The following GSAP variants were observed in gnomAD, a reference collection of about 807,000 sequenced individuals.
GSAP encodes gamma-secretase activating protein.
Under a neutral mutation model 131.7 loss-of-function variants are expected in GSAP, and 118 were observed. The ratio of observed to expected loss-of-function variants is 0.90; its 90% CI spans 0.77 to 1.04. GSAP has a LOEUF of 1.04. Ranked by LOEUF, GSAP falls within the 50% of genes least tolerant of loss-of-function variation. The pLI is 0.00. For missense variants in GSAP, 1,019 were observed against 1,013.2 expected (o/e 1.01, Z -0.08); for synonymous variants, 381 against 363.4 (o/e 1.05, Z -0.55).
chr7:77,400,194 G>A (rs1037473623), intron 3 of GSAP, among the ~76,000 whole-genome samples: 1 of 152,048 alleles, frequency 6.6e-6, no homozygotes, highest in African/African-American at 2.4e-5. Context: ...TATCAAAGAA[G>A]ACCAAGTAGG....
At chr7:77,372,156 T>C (rs957868351) in intron 12 of GSAP, among the ~76,000 whole-genome samples, 3 of 152,222 alleles carry the variant, frequency 2.0e-5, no homozygotes, top group African/African-American at 7.2e-5. Flanking sequence ...AAGGAAAAAG[T>C]TAAATGCCTA....
chr7:77,351,843 T>G (rs1792908134), intron 18 of GSAP, among the ~76,000 whole-genome samples: 1 of 151,388 alleles, frequency 6.6e-6, no homozygotes, highest in East Asian at 1.9e-4. Flanking sequence ...CAGCAGGGGG[T>G]TGGTAAGGGA....
chr7:77,356,174 A>G (rs145161615), intron 14 of GSAP, among the ~76,000 whole-genome samples: 1,748 of 152,200 alleles, frequency 0.011, 33 homozygotes, highest in African/African-American at 0.04. Context: ...ACCCAGCCAC[A>G]TTTCTCTTAC....
chr7:77,400,287 TCCCAC>T (rs1801107919), intron 3 of GSAP, among the ~76,000 whole-genome samples: 1 of 151,904 alleles, frequency 6.6e-6, no homozygotes, highest in Non-Finnish European at 1.5e-5. Flanking sequence ...GATCCTGGAC[TCCCAC>T]CCAGACCCAG....
intron 3 of GSAP, among the ~76,000 whole-genome samples, chr7:77,402,119 G>T (rs1392382715): frequency 2.6e-5 from 4 of 152,002 alleles, no homozygotes; most frequent in Non-Finnish European, 4.4e-5. Context: ...TTTTAGAGAA[G>T]GATGGGTAAG....
intron 5 of GSAP, among the ~76,000 whole-genome samples, chr7:77,390,985 T>C (rs1187113330): frequency 1.5e-5 from 1 of 68,658 alleles, no homozygotes; most frequent in Non-Finnish European, 3.2e-5. Context: ...AAAAAAAAAT[T>C]AGCCGGGTGT....
intron 16 of GSAP, among the ~76,000 whole-genome samples, 183 bp downstream of exon 16, chr7:77,355,030 G>A (rs1433293673): frequency 6.6e-6 from 1 of 152,188 alleles, no homozygotes; most frequent in Non-Finnish European, 1.5e-5. Context: ...GAAACACCCT[G>A]AGTGTGAGAC....
At chr7:77,350,110 C>T (rs1792570358) in intron 18 of GSAP, among the ~76,000 whole-genome samples, 1 of 151,828 alleles carries the variant, frequency 6.6e-6, no homozygotes, top group Admixed American at 6.6e-5. Flanking sequence ...ATGATGAGTT[C>T]ATGTCCTTTG....
At chr7:77,358,234 C>T (rs1794045452) in intron 14 of GSAP, among the ~76,000 whole-genome samples, 1 of 152,118 alleles carries the variant, frequency 6.6e-6, no homozygotes, top group Admixed American at 6.5e-5. Context: ...CCCAGCTACT[C>T]AGGAGGCTGA....
intron 8 of GSAP, 65 bp from the exon 9 acceptor site, chr7:77,377,455 G>C (rs1328037946): frequency 2.8e-6 from 4 of 1,439,260 alleles, no homozygotes; most frequent in Non-Finnish European, 1.8e-6. Flanking sequence ...AACATATCTG[G>C]AATTCATAAT....
Position 77,311,452 on chromosome 7 carries a change from G to C in GSAP, c.2474-3C>G. ...ATGTCCTTCAAAAGGATACAGGGCTGGAAAAAAATGGGGAGAGGGCAGGGA... is the reference window on the plus strand; with the variant it reads ...ATGTCCTTCAAAAGGATACAGGGCTCGAAAAAAATGGGGAGAGGGCAGGGA... On this transcript the variant is annotated splice_polypyrimidine_tract_variant and splice_region_variant and intron_variant, in intron 30 of 30. Transcript: ENST00000257626. 1 of 1,567,868 alleles carries C rather than the reference G, an allele frequency of 6.4e-7. No individual in the cohort carries two copies. Among genetic ancestry groups the C allele is most frequent in the Non-Finnish European group, 8.8e-7 (1 of 1,139,698 alleles).
At chr7:77,406,779 G>C (rs1188408193) in intron 1 of GSAP, among the ~76,000 whole-genome samples, 3 of 152,234 alleles carry the variant, frequency 2.0e-5, no homozygotes, top group African/African-American at 4.8e-5. Context: ...TCCCAAAAAG[G>C]TTCCTGCAGG....
At chr7:77,370,430 C>A (rs1428158326) in intron 12 of GSAP, among the ~76,000 whole-genome samples, 1 of 152,102 alleles carries the variant, frequency 6.6e-6, no homozygotes, top group Non-Finnish European at 1.5e-5. Context: ...CATTGCACTC[C>A]AACCTAGGCA....
intron 12 of GSAP, among the ~76,000 whole-genome samples, chr7:77,367,966 T>C (rs1021372045): frequency 5.3e-5 from 8 of 152,202 alleles, no homozygotes; most frequent in African/African-American, 1.2e-4. Context: ...CTGTCTCTTC[T>C]AGGTTTTCTA....
intron 19 of GSAP, among the ~76,000 whole-genome samples, chr7:77,348,259 A>T (rs1296493129): frequency 1.3e-5 from 2 of 152,328 alleles, no homozygotes; most frequent in African/African-American, 2.4e-5. Context: ...GAATGGGTGG[A>T]ATCTTTTAAA....
chr7:77,353,119 A>G, intron 17 of GSAP, 93 bp from the exon 18 acceptor site: 1 of 720,886 alleles, frequency 1.4e-6, no homozygotes, highest in Non-Finnish European at 2.5e-6. Context: ...GCAAACCAAC[A>G]AAGTTTTCAT....
At chr7:77,412,524 G>A (rs1052050593) in intron 1 of GSAP, among the ~76,000 whole-genome samples, 1 of 151,906 alleles carries the variant, frequency 6.6e-6, no homozygotes, top group Non-Finnish European at 1.5e-5. Flanking sequence ...TTAAAATTAA[G>A]AACTCCTGTT....
intron 3 of GSAP, among the ~76,000 whole-genome samples, chr7:77,399,381 T>C (rs756387916): frequency 6.6e-5 from 10 of 152,200 alleles, no homozygotes; most frequent in Admixed American, 3.9e-4. Flanking sequence ...CCAAGTTCTA[T>C]TCCCCAAAGC....
chr7:77,401,125 C>CA (rs1801246524), intron 3 of GSAP, among the ~76,000 whole-genome samples: 1 of 151,616 alleles, frequency 6.6e-6, no homozygotes, highest in African/African-American at 2.4e-5. Flanking sequence ...TTCTTGTAAT[C>CA]AGAGTCCATA....
Sources: allele counts gnomAD v4.1 joint callset (sites outside exome capture counted in the v4.1 genomes callset), GRCh38; gene constraint gnomAD v4.1.1; transcripts MANE v1.5; gene names NCBI Gene and HGNC (gene_info 2026-07-23, HGNC 2026-07-21).